The following RALGPS1 variants were observed in gnomAD, a reference collection of about 807,000 sequenced individuals.
The protein encoded by RALGPS1 is Ral GEF with PH domain and SH3 binding motif 1.
RALGPS1 carries 19 observed loss-of-function variants against 78.8 expected under a neutral mutation model. The observed-to-expected ratio is 0.24, with a 90% CI of 0.17 to 0.35. The LOEUF (loss-of-function observed/expected upper bound fraction) is 0.35, where lower values mean the gene tolerates loss of function less well. Among genes scored for constraint, RALGPS1 ranks in the 10% least tolerant of loss-of-function variants. RALGPS1 has a pLI of 1.00. For synonymous variants in RALGPS1, 228 were observed against 256.3 expected, an observed-to-expected ratio of 0.89 and a Z score of 1.06; for missense variants, 454 against 688.3, an observed-to-expected ratio of 0.66 and a Z score of 3.81.
chr9:127,166,741 G>T (rs1033776465), intron 9 of RALGPS1, among the ~76,000 whole-genome samples: 1 of 152,128 alleles, frequency 6.6e-6, no homozygotes, highest in Non-Finnish European at 1.5e-5. Context: ...TCTAGCTGTG[G>T]GCCTGGGAGA....
chr9:127,108,172 G>T, intron 8 of RALGPS1: 1 of 1,614,082 alleles, frequency 6.2e-7, no homozygotes, highest in Non-Finnish European at 8.5e-7. Context: ...GGCCAGTGTG[G>T]CCAGGTGCTG....
chr9:127,182,300 G>GCCTA lies in RALGPS1; in HGVS notation c.910+7530_910+7533dup, dbSNP rs769781749. ...GCCTGTAGAACCATGAGCCAGTTAA[G>GCCTA]CCTACCTACCTACCTTCCTTCCTTC... is the stretch of plus-strand genomic sequence containing the variant. On this transcript the variant is annotated intron_variant, in intron 11 of 18. Transcript: ENST00000259351. Among the ~76,000 whole-genome samples, 360 of 150,926 alleles carry GCCTA rather than the reference G, an allele frequency of 2.4e-3. 1 individual carries two copies. Among genetic ancestry groups the GCCTA allele is most frequent in the Non-Finnish European group, 3.7e-3 (251 of 67,868 alleles).
intron 7 of RALGPS1, among the ~76,000 whole-genome samples, chr9:127,063,243 C>T (rs1230455268): frequency 1.3e-5 from 2 of 152,154 alleles, no homozygotes; most frequent in African/African-American, 4.8e-5. Context: ...CAGTCAAATA[C>T]AAGTGCCACA....
intron 1 of RALGPS1, among the ~76,000 whole-genome samples, chr9:126,920,203 C>A (rs2034613517): frequency 6.6e-6 from 1 of 152,120 alleles, no homozygotes; most frequent in Non-Finnish European, 1.5e-5. Flanking sequence ...ACAAATCATA[C>A]TACTAAGTGG....
intron 8 of RALGPS1, among the ~76,000 whole-genome samples, chr9:127,125,597 C>T (rs534016774): frequency 3.3e-5 from 5 of 152,294 alleles, no homozygotes; most frequent in Non-Finnish European, 5.9e-5. Flanking sequence ...GCTGCTGTTG[C>T]TTCTGCTCCT....
chr9:127,068,056 G>A (rs990414396), intron 7 of RALGPS1, among the ~76,000 whole-genome samples: 3 of 152,168 alleles, frequency 2.0e-5, no homozygotes, highest in Non-Finnish European at 2.9e-5. Context: ...ACATTGAGCC[G>A]CCATTTACAT....
rs547746214 is a variant in RALGPS1, at chr9:127,184,001, C to G, written c.910+9219C>G. ...AGCGGCTCCCCCAGCATCTGCTGCT[C>G]CGCGCTCCCCGTGGCCTAGGAATCT... On this transcript the variant is annotated intron_variant, in intron 11 of 18. Transcript: ENST00000259351. The G allele has an allele frequency of 1.9e-6, 3 of 1,550,078 alleles. No homozygotes were observed. In the East Asian group the frequency reaches 7.3e-5, roughly 38 times the overall value.
intron 3 of RALGPS1, among the ~76,000 whole-genome samples, chr9:126,976,222 A>G (rs544416852): frequency 6.6e-6 from 1 of 152,238 alleles, no homozygotes; most frequent in Admixed American, 6.5e-5. Context: ...TGTATTGGTC[A>G]GGAACCGTAA....
intron 11 of RALGPS1, chr9:127,177,819 C>A: frequency 6.5e-7 from 1 of 1,543,206 alleles, no homozygotes; most frequent in East Asian, 2.5e-5. Context: ...TAGGAGCCAG[C>A]CCTGGCCCAG....
At chr9:126,924,593 C>T (rs916303371) in intron 1 of RALGPS1, among the ~76,000 whole-genome samples, 4 of 152,194 alleles carry the variant, frequency 2.6e-5, no homozygotes, top group South Asian at 2.1e-4. Context: ...CATCCTTTTT[C>T]AGTAGGAAAG....
chr9:126,993,661 A>G (rs927908158), intron 4 of RALGPS1, among the ~76,000 whole-genome samples: 2 of 152,014 alleles, frequency 1.3e-5, no homozygotes, highest in African/African-American at 4.8e-5. Context: ...TGCATTTCCA[A>G]CTGAGCTTTG....
chr9:127,210,750 T>C (rs1282703268), intron 14 of RALGPS1: 2 of 1,550,668 alleles, frequency 1.3e-6, no homozygotes, highest in Admixed American at 2.0e-5. Flanking sequence ...AGTTAGGAAT[T>C]CTCCCAGAAC....
intron 4 of RALGPS1, among the ~76,000 whole-genome samples, chr9:126,990,745 C>T (rs4837125): frequency 0.17 from 26,370 of 152,168 alleles, 3,015 homozygotes; most frequent in East Asian, 0.44. Context: ...TGAAATATTA[C>T]GACTTTTAAA....
At chr9:127,064,768 T>C (rs1309114465) in intron 7 of RALGPS1, among the ~76,000 whole-genome samples, 8 of 152,262 alleles carry the variant, frequency 5.3e-5, no homozygotes, top group African/African-American at 1.9e-4. Context: ...TTTGGTGTTT[T>C]AATGATTAGG....
chr9:127,064,957 G>GT (rs953804330), intron 7 of RALGPS1, among the ~76,000 whole-genome samples: 10 of 151,344 alleles, frequency 6.6e-5, no homozygotes, highest in African/African-American at 2.4e-4. Flanking sequence ...TTTGTTTTTT[G>GT]TTTTTTTGTT....
Position 127,080,226 on chromosome 9 carries a change from C to A in RALGPS1, c.610+10870C>A, listed in dbSNP as rs376946716. ...TCCCTGATGGAGTATACAGTGGGCT[C>A]CTGAGTACTCAAGGGAAACAAAGAT... On this transcript the variant is annotated intron_variant, in intron 8 of 18. Coordinates refer to ENST00000259351, the MANE Select transcript of RALGPS1 (RefSeq NM_014636.3). Among the ~76,000 whole-genome samples, 428 of 152,216 alleles carry A rather than the reference C, an allele frequency of 2.8e-3. 3 individuals carry two copies. The highest frequency in any genetic ancestry group is 9.5e-3 in the African/African-American group (395 of 41,522).
At chr9:126,956,563 A>G (rs1340797260) in intron 1 of RALGPS1, among the ~76,000 whole-genome samples, 2 of 152,092 alleles carry the variant, frequency 1.3e-5, no homozygotes, top group African/African-American at 4.8e-5. Context: ...TACGGCTGCC[A>G]TGCTTCATCT....
intron 11 of RALGPS1, among the ~76,000 whole-genome samples, chr9:127,186,852 G>C (rs953151842): frequency 6.6e-6 from 1 of 152,238 alleles, no homozygotes; most frequent in Non-Finnish European, 1.5e-5. Context: ...CGAAAGAAGA[G>C]GTGGCAGATC....
intron 8 of RALGPS1, among the ~76,000 whole-genome samples, chr9:127,080,532 G>A (rs754088768): frequency 2.6e-5 from 4 of 152,128 alleles, no homozygotes; most frequent in Non-Finnish European, 1.5e-5. Flanking sequence ...AACCAAAGTG[G>A]GAACATTTTA....
Sources: gnomAD v4.1 joint callset for allele counts (sites outside exome capture counted in the v4.1 genomes callset) on GRCh38, gnomAD v4.1.1 for gene constraint, MANE v1.5 for transcripts, NCBI Gene and HGNC (gene_info 2026-07-23, HGNC 2026-07-21) for gene names.